SPIN1: variants seen among roughly 807,000 people sequenced by gnomAD.
The protein encoded by SPIN1 is spindlin 1.
SPIN1 carries 3 observed loss-of-function variants against 26.0 expected under a neutral mutation model. The ratio of observed to expected loss-of-function variants is 0.12; its 90% CI spans 0.05 to 0.30. The LOEUF (loss-of-function observed/expected upper bound fraction) is 0.30, where lower values mean the gene tolerates loss of function less well. Ranked by LOEUF, SPIN1 falls within the 10% of genes least tolerant of loss-of-function variation. SPIN1 has a pLI of 1.00. For missense variants in SPIN1, 126 were observed against 333.4 expected, an observed-to-expected ratio of 0.38 and a Z score of 4.84; for synonymous variants, 101 against 116.5, an observed-to-expected ratio of 0.87 and a Z score of 0.86.
chr9:88,394,526 T>C (rs1827010901), intron 1 of SPIN1, among the ~76,000 whole-genome samples: 1 of 152,224 alleles, frequency 6.6e-6, no homozygotes, highest in African/African-American at 2.4e-5. Context: ...TATCCTTTTT[T>C]CTCTAACGTT....
intron 3 of SPIN1, among the ~76,000 whole-genome samples, chr9:88,452,191 GT>G (rs1828368224): frequency 6.6e-6 from 1 of 152,160 alleles, no homozygotes; most frequent in Non-Finnish European, 1.5e-5. Flanking sequence ...TTCTCATGTA[GT>G]TTTCATGATA....
At chr9:88,435,971 T>G (rs1330212430) in intron 2 of SPIN1, among the ~76,000 whole-genome samples, 2 of 152,250 alleles carry the variant, frequency 1.3e-5, no homozygotes, top group Admixed American at 1.3e-4. Context: ...AATATAAATT[T>G]TAGCCCATAT....
In SPIN1 at chr9:88,450,586, G is replaced by A. The variant is rs184784611; in HGVS notation, c.101+1597G>A. On this transcript the variant is annotated intron_variant, in intron 3 of 5. Transcript: ENST00000375859. ...TTTGATTCCCTAAAGCATAAGAAAC[G>A]AAACACCTAAAGTTCGTATACATAG... is the stretch of plus-strand genomic sequence containing the variant. 6.2e-4 allele frequency among the ~76,000 whole-genome samples: 95 copies of A among 152,174 alleles called. 1 individual carries two copies. The Middle Eastern group carries it at 0.02, about 33-fold the overall frequency.
At chr9:88,407,148 A>G (rs1827328071) in intron 1 of SPIN1, among the ~76,000 whole-genome samples, 1 of 151,318 alleles carries the variant, frequency 6.6e-6, no homozygotes, top group Non-Finnish European at 1.5e-5. Flanking sequence ...AAAAAAAAAA[A>G]AAAAAAAAAG....
chr9:88,444,952 C>T (rs1176950965), intron 2 of SPIN1, among the ~76,000 whole-genome samples: 2 of 152,280 alleles, frequency 1.3e-5, no homozygotes, highest in African/African-American at 4.8e-5. Context: ...CCTCGGCCTC[C>T]CAAAGTGCTG....
intron 5 of SPIN1, among the ~76,000 whole-genome samples, chr9:88,471,110 G>A (rs544904043): frequency 2.6e-5 from 4 of 152,224 alleles, no homozygotes; most frequent in South Asian, 2.1e-4. Flanking sequence ...TCTGAAGTCC[G>A]AGTTATGTTT....
chr9:88,468,308 G>A (rs1041598300), intron 4 of SPIN1, 64 bp from the exon 5 acceptor site: 34 of 1,220,196 alleles, frequency 2.8e-5, no homozygotes, highest in Non-Finnish European at 3.4e-5. Flanking sequence ...AGTAAATTCA[G>A]TCTTCATAGT....
intron 2 of SPIN1, among the ~76,000 whole-genome samples, chr9:88,438,006 G>C (rs1828042346): frequency 6.6e-6 from 1 of 151,918 alleles, no homozygotes. Flanking sequence ...AGAAAGATTA[G>C]CTGGCGTGGT....
chr9:88,471,116 T>C (rs1217807853), intron 5 of SPIN1, among the ~76,000 whole-genome samples: 5 of 152,230 alleles, frequency 3.3e-5, no homozygotes, highest in Admixed American at 6.5e-5. Flanking sequence ...GTCCGAGTTA[T>C]GTTTTCTCTT....
intron 2 of SPIN1, among the ~76,000 whole-genome samples, chr9:88,441,807 T>C (rs912097759): frequency 2.0e-5 from 3 of 148,460 alleles, no homozygotes; most frequent in Non-Finnish European, 1.5e-5. Context: ...ATTATATTTT[T>C]GTATTATAAA....
intron 1 of SPIN1, among the ~76,000 whole-genome samples, chr9:88,421,484 G>A (rs1257155357): frequency 3.9e-5 from 6 of 151,984 alleles, no homozygotes; most frequent in Admixed American, 3.9e-4. Context: ...TATCCTTACT[G>A]TGTTGATTGA....
intron 1 of SPIN1, among the ~76,000 whole-genome samples, chr9:88,397,670 G>T (rs527457105): frequency 6.6e-6 from 1 of 151,802 alleles, no homozygotes; most frequent in South Asian, 2.1e-4. Context: ...CTCCCAGGCT[G>T]GAGTGCAGTG....
At chr9:88,447,985 T>C (rs1437716813) in intron 2 of SPIN1, among the ~76,000 whole-genome samples, 1 of 152,172 alleles carries the variant, frequency 6.6e-6, no homozygotes, top group Non-Finnish European at 1.5e-5. Context: ...TTTATGACAG[T>C]AAGACAGTTC....
intron 4 of SPIN1, among the ~76,000 whole-genome samples, chr9:88,466,341 AGAGAT>A (rs913679626): frequency 7.2e-5 from 11 of 152,098 alleles, no homozygotes; most frequent in Admixed American, 4.6e-4. Flanking sequence ...AACTTTTTGT[AGAGAT>A]GAGATCTCAT....
intron 1 of SPIN1, among the ~76,000 whole-genome samples, chr9:88,398,823 C>T (rs538801618): frequency 5.3e-5 from 8 of 151,976 alleles, no homozygotes; most frequent in Non-Finnish European, 1.0e-4. Flanking sequence ...ATCCGCCTGC[C>T]TTGGCCTCCC....
At chr9:88,437,633 G>A (rs1436506150) in intron 2 of SPIN1, among the ~76,000 whole-genome samples, 1 of 152,126 alleles carries the variant, frequency 6.6e-6, no homozygotes, top group Non-Finnish European at 1.5e-5. Context: ...ATGGTTAAAC[G>A]TATGTTTACT....
At position 88,411,086 on chromosome 9, in the gene SPIN1, TTAAAA is replaced by T. The variant is rs1475704986; in HGVS notation, c.-158-15292_-158-15288del. The T allele has an allele frequency of 4.5e-6, 7 of 1,544,166 alleles. No homozygotes were observed. The African/African-American group carries it at 5.4e-5, about 12-fold the overall frequency. On this transcript the variant is annotated intron_variant, in intron 1 of 5. Coordinates refer to ENST00000375859, the MANE Select transcript of SPIN1 (RefSeq NM_006717.3). ...AATCACTTCAGTTTTTCAGAACTGT[TTAAAA>T]TAATCTCTTAGGTGATGTTCTTTAG...
intron 3 of SPIN1, among the ~76,000 whole-genome samples, chr9:88,460,298 G>A (rs1322686608): frequency 6.6e-6 from 1 of 151,960 alleles, no homozygotes; most frequent in East Asian, 1.9e-4. Flanking sequence ...CGTGGTGTCT[G>A]TTTCTTCTCA....
At chr9:88,455,967 A>G (rs1051013698) in intron 3 of SPIN1, among the ~76,000 whole-genome samples, 14 of 152,220 alleles carry the variant, frequency 9.2e-5, no homozygotes, top group Non-Finnish European at 1.9e-4. Flanking sequence ...ATTCTTTTTC[A>G]TGATTTTTAA....
Sources: allele counts gnomAD v4.1 joint callset (sites outside exome capture counted in the v4.1 genomes callset), GRCh38; gene constraint gnomAD v4.1.1; transcripts MANE v1.5; gene names NCBI Gene and HGNC (gene_info 2026-07-23, HGNC 2026-07-21).